The following DMD variants were observed in gnomAD, a reference collection of about 807,000 sequenced individuals.
DMD encodes dystrophin.
DMD carries 63 observed loss-of-function variants against 330.1 expected under a neutral mutation model. The ratio of observed to expected loss-of-function variants is 0.19; its 90% confidence interval spans 0.16 to 0.24. The LOEUF is 0.24. DMD is among the 10% of genes least tolerant of loss of function. DMD has a pLI of 1.00. For synonymous variants in DMD, 1,223 were observed against 959.8 expected (o/e 1.27, Z -5.07); for missense variants, 3,344 against 2,684.1 (o/e 1.25, Z -5.43).
At chrX:31,383,660 T>G (rs2060297857) in intron 60 of DMD, among the ~76,000 whole-genome samples, 1 of 111,900 alleles carries the variant, frequency 8.9e-6, no homozygotes, top group Admixed American at 9.5e-5. Flanking sequence ...CTCCATCCTG[T>G]GCCTGTAAAA....
intron 44 of DMD, among the ~76,000 whole-genome samples, chrX:32,091,550 T>C (rs1173613338): frequency 9.0e-6 from 1 of 110,680 alleles, no homozygotes; most frequent in Non-Finnish European, 1.9e-5. Context: ...ACAGGTGATC[T>C]ATAGCTTGAA....
At position 32,087,356 on chromosome X, in the gene DMD, G is replaced by C. The variant is rs887463375; in HGVS notation, c.6439-118842C>G. Among the ~76,000 whole-genome samples the C allele has an allele frequency of 6.3e-5, 7 of 111,451 alleles. No homozygotes were observed. In the Admixed American group the frequency reaches 6.7e-4, roughly 11 times the overall value. ...ACATGTGGGAAAATGCTACATAAACGTAGCAGAAATGTTAATTTCTGCAGC... is the reference window on the plus strand; with the variant it reads ...ACATGTGGGAAAATGCTACATAAACCTAGCAGAAATGTTAATTTCTGCAGC... On this transcript the variant is annotated intron_variant, in intron 44 of 78. Coordinates refer to ENST00000357033, the MANE Select transcript of DMD (RefSeq NM_004006.3).
At chrX:32,914,647 T>C (rs1046215989) in intron 2 of DMD, among the ~76,000 whole-genome samples, 3 of 112,084 alleles carry the variant, frequency 2.7e-5, no homozygotes, top group Non-Finnish European at 5.6e-5. Context: ...ACGAAAAATC[T>C]TCGAGCAGCC....
intron 55 of DMD, among the ~76,000 whole-genome samples, chrX:31,510,017 T>G (rs186696512): frequency 2.3e-4 from 26 of 112,435 alleles, no homozygotes; most frequent in Admixed American, 2.3e-3. Flanking sequence ...ATCTTAGCAT[T>G]GGCAAGAAGA....
chrX:32,013,093 C>CTATTTT (rs1557064304), intron 44 of DMD, among the ~76,000 whole-genome samples: 1 of 61,198 alleles, frequency 1.6e-5, no homozygotes, highest in African/African-American at 8.1e-5. Context: ...CTTTTCTTTC[C>CTATTTT]TTTTTTTTTT....
chrX:32,229,557 C>T (rs2097160070), intron 43 of DMD, among the ~76,000 whole-genome samples: 1 of 103,608 alleles, frequency 9.7e-6, no homozygotes, highest in African/African-American at 3.5e-5. Flanking sequence ...TTTAATAACA[C>T]TCTTTTTATT....
At chrX:32,047,632 T>C (rs1479528348) in intron 44 of DMD, among the ~76,000 whole-genome samples, 3 of 111,818 alleles carry the variant, frequency 2.7e-5, no homozygotes, top group African/African-American at 9.7e-5. Flanking sequence ...TTAGTGAATA[T>C]AGAGTGTTCA....
chrX:32,740,329 AT>A (rs1205158819), intron 7 of DMD, among the ~76,000 whole-genome samples: 3 of 110,133 alleles, frequency 2.7e-5, no homozygotes, highest in African/African-American at 9.9e-5. Flanking sequence ...GTGTATCCTG[AT>A]TTATAGGGGC....
At position 31,512,627 on chromosome X, in the gene DMD, T is replaced by C. The variant is rs1230324340; in HGVS notation, c.8218-5174A>G. ...CATTGCTTGTTTTTCTCAGGTTTGT[T>C]AAAGATCAGATAGTTGTAGATATGC... is the stretch of plus-strand genomic sequence containing the variant. On this transcript the variant is annotated intron_variant, in intron 55 of 78. Transcript: ENST00000357033. Among the ~76,000 whole-genome samples, 142 of 109,736 alleles carry C rather than the reference T, an allele frequency of 1.3e-3. 2 individuals carry two copies. The South Asian group carries it at 0.017, about 13-fold the overall frequency.
At chrX:32,263,500 T>C (rs1245237368) in intron 43 of DMD, among the ~76,000 whole-genome samples, 1 of 112,447 alleles carries the variant, frequency 8.9e-6, no homozygotes, top group African/African-American at 3.2e-5. Flanking sequence ...CAAAATTTGG[T>C]TTTTTACTTT....
At chrX:32,044,664 C>T (rs1404458375) in intron 44 of DMD, among the ~76,000 whole-genome samples, 9 of 110,679 alleles carry the variant, frequency 8.1e-5, no homozygotes, top group Admixed American at 1.9e-4. Context: ...CATCATGATC[C>T]GCCCGCCTTG....
intron 60 of DMD, among the ~76,000 whole-genome samples, chrX:31,350,677 G>A: frequency 9.4e-6 from 1 of 106,488 alleles, no homozygotes; most frequent in Non-Finnish European, 1.9e-5. Context: ...GAGAAGCGAT[G>A]CGGAACAAAC....
At chrX:31,462,087 C>G (rs139682487) in intron 59 of DMD, among the ~76,000 whole-genome samples, 1 of 111,807 alleles carries the variant, frequency 8.9e-6, no homozygotes, top group African/African-American at 3.3e-5. Context: ...ATTTACACCA[C>G]GAAAACTGGT....
intron 61 of DMD, among the ~76,000 whole-genome samples, chrX:31,328,237 A>C (rs1251406521): frequency 1.8e-5 from 2 of 112,011 alleles, no homozygotes; most frequent in African/African-American, 6.5e-5. Flanking sequence ...TTTTAAAGCA[A>C]AATTCCTAGA....
chrX:31,473,580 C>T (rs1232983699), intron 59 of DMD, among the ~76,000 whole-genome samples: 5 of 105,471 alleles, frequency 4.7e-5, no homozygotes, highest in Non-Finnish European at 3.9e-5. Context: ...ATCAGCTGGG[C>T]GTGGTGGTGC....
intron 48 of DMD, among the ~76,000 whole-genome samples, chrX:31,856,008 T>C (rs1215978606): frequency 8.9e-6 from 1 of 111,976 alleles, no homozygotes; most frequent in African/African-American, 3.2e-5. Context: ...GATAAGATTT[T>C]GGATAAGGAA....
intron 57 of DMD, 141 bp downstream of exon 57, chrX:31,496,642 CTTAGA>C: frequency 1.5e-6 from 1 of 666,151 alleles, no homozygotes; most frequent in Non-Finnish European, 2.3e-6. Context: ...AGTGTAATGG[CTTAGA>C]TTATTTATAA....
At chrX:32,680,795 C>CACACACACAGAAACACAT (rs1191098126) in intron 9 of DMD, among the ~76,000 whole-genome samples, 5 of 108,504 alleles carry the variant, frequency 4.6e-5, no homozygotes, top group African/African-American at 1.8e-4. Flanking sequence ...CTCCCCAGCA[C>CACACACACAGAAACACAT]ACACACACAG....
At chrX:32,133,934 G>A (rs984977589) in intron 44 of DMD, among the ~76,000 whole-genome samples, 1 of 111,256 alleles carries the variant, frequency 9.0e-6, no homozygotes, top group African/African-American at 3.3e-5. Context: ...CAGATAAACC[G>A]ATGGCTTAGG....
Sources: allele counts gnomAD v4.1 joint callset (sites outside exome capture counted in the v4.1 genomes callset), GRCh38; gene constraint gnomAD v4.1.1; transcripts MANE v1.5; gene names NCBI Gene and HGNC (gene_info 2026-07-23, HGNC 2026-07-21).